The following COL8A1 variants were observed in gnomAD, a reference collection of about 807,000 sequenced individuals.
The protein encoded by COL8A1 is collagen type VIII alpha 1 chain.
COL8A1 carries 21 observed loss-of-function variants against 42.7 expected under a neutral mutation model. That is an observed-to-expected ratio of 0.49 (90% confidence interval 0.35 to 0.71). The LOEUF is 0.71. Among genes scored for constraint, COL8A1 ranks in the 30% least tolerant of loss-of-function variants. The pLI, the probability that COL8A1 is intolerant of heterozygous loss-of-function variation, is 0.01. For synonymous variants in COL8A1, 367 were observed against 369.1 expected (o/e 0.99, Z 0.06); for missense variants, 788 against 962.4 (o/e 0.82, Z 2.40).
intron 2 of COL8A1, among the ~76,000 whole-genome samples, chr3:99,785,807 A>G (rs145995230): frequency 6.6e-4 from 101 of 152,272 alleles, no homozygotes; most frequent in African/African-American, 2.4e-3. Flanking sequence ...CTCTGCCAAT[A>G]TCTTGATCTT....
chr3:99,788,529 C>A (rs1388967821), intron 2 of COL8A1, among the ~76,000 whole-genome samples: 1 of 152,156 alleles, frequency 6.6e-6, no homozygotes, highest in East Asian at 1.9e-4. Flanking sequence ...GAATTAAGTA[C>A]CAGCTTATAC....
At chr3:99,647,842 T>C (rs890941905) in intron 1 of COL8A1, among the ~76,000 whole-genome samples, 4 of 152,148 alleles carry the variant, frequency 2.6e-5, no homozygotes, top group Admixed American at 2.6e-4. Context: ...AATTACTTAG[T>C]TTATCTATGA....
At chr3:99,706,114 A>G (rs1027964362) in intron 1 of COL8A1, among the ~76,000 whole-genome samples, 1 of 152,186 alleles carries the variant, frequency 6.6e-6, no homozygotes, top group Non-Finnish European at 1.5e-5. Context: ...ACTTTGGAAA[A>G]GGAGAGGGCA....
chr3:99,679,817 G>A (rs933713926), intron 1 of COL8A1: 1 of 152,140 alleles, frequency 6.6e-6, no homozygotes, highest in Admixed American at 6.6e-5. Context: ...TGGGAGATGA[G>A]AAAAACACAT....
At chr3:99,712,208 A>G in intron 1 of COL8A1, among the ~76,000 whole-genome samples, 1 of 152,178 alleles carries the variant, frequency 6.6e-6, no homozygotes, top group Non-Finnish European at 1.5e-5. Context: ...AAACTTAGTT[A>G]TTTGTGACGG....
chr3:99,660,411 C>T (rs1371666618), intron 1 of COL8A1, among the ~76,000 whole-genome samples: 1 of 152,138 alleles, frequency 6.6e-6, no homozygotes, highest in Non-Finnish European at 1.5e-5. Flanking sequence ...TTCTCAATTG[C>T]AGTGACATAA....
At chr3:99,662,381 CA>C (rs11394075) in intron 1 of COL8A1, among the ~76,000 whole-genome samples, 354 of 125,988 alleles carry the variant, frequency 2.8e-3, no homozygotes, top group African/African-American at 3.5e-3. Context: ...GACTTTGTCT[CA>C]AAAAAAAAAA....
At chr3:99,759,753 AATAG>A (rs1408720769) in intron 2 of COL8A1, among the ~76,000 whole-genome samples, 2 of 152,224 alleles carry the variant, frequency 1.3e-5, no homozygotes, top group Non-Finnish European at 2.9e-5. Context: ...CCGTAAAAAG[AATAG>A]ATAGAACAAT....
At chr3:99,723,045 T>C (rs1237534657) in intron 1 of COL8A1, among the ~76,000 whole-genome samples, 1 of 149,724 alleles carries the variant, frequency 6.7e-6, no homozygotes, top group African/African-American at 2.5e-5. Context: ...AATAAATAGA[T>C]GACTTCTGAA....
intron 1 of COL8A1, among the ~76,000 whole-genome samples, chr3:99,736,389 T>TA (rs1242776900): frequency 2.6e-5 from 4 of 152,102 alleles, no homozygotes; most frequent in African/African-American, 4.8e-5. Flanking sequence ...ATCTTTTTTT[T>TA]TTATTATTAT....
chr3:99,730,962 G>A (rs1028755618), intron 1 of COL8A1, among the ~76,000 whole-genome samples: 1 of 151,798 alleles, frequency 6.6e-6, no homozygotes, highest in African/African-American at 2.4e-5. Flanking sequence ...CGTTTCTTTT[G>A]TAGTGCTAAG....
rs114013710 is a variant in COL8A1 at position 99,730,599 on chromosome 3, C to G, written c.-128-14298C>G. Among the ~76,000 whole-genome samples the G allele has an allele frequency of 5.6e-3, 849 of 152,174 alleles. 11 individuals are homozygous for G. Among genetic ancestry groups the G allele is most frequent in the African/African-American group, 0.016 (649 of 41,538 alleles). On this transcript the variant is annotated intron_variant, in intron 1 of 3. Coordinates refer to ENST00000652472, the MANE Select transcript of COL8A1 (RefSeq NM_020351.4). ...ATTAAACTAGCCTCCAAAAATGAAA[C>G]ACTTTTTTCAACACTTTCAGTGTGA...
At position 99,702,448 on chromosome 3, in the gene COL8A1, G is replaced by A. The variant is rs1939567525; in HGVS notation, c.-128-42449G>A. Among the ~76,000 whole-genome samples the A allele has an allele frequency of 2.0e-5, 3 of 152,174 alleles. No individual in the cohort carries two copies. In the South Asian group the frequency reaches 6.2e-4, roughly 32 times the overall value. On this transcript the variant is annotated intron_variant, in intron 1 of 3. Coordinates refer to ENST00000652472, the MANE Select transcript of COL8A1 (RefSeq NM_020351.4). ...TAGAGTCTAGTTGCCTCTAGTAACT[G>A]TAGCTAAGGACTGACTAGTGTCCAA...
chr3:99,672,873 A>G (rs1559774495), intron 1 of COL8A1, among the ~76,000 whole-genome samples: 1 of 152,070 alleles, frequency 6.6e-6, no homozygotes, highest in African/African-American at 2.4e-5. Flanking sequence ...AGCTCTATAC[A>G]TTTCACCAGT....
chr3:99,669,788 C>T (rs900731643), intron 1 of COL8A1, among the ~76,000 whole-genome samples: 20 of 151,918 alleles, frequency 1.3e-4, no homozygotes, highest in South Asian at 4.1e-4. Context: ...CAGAACCTGA[C>T]GGAGCAGAAA....
At chr3:99,703,920 A>G (rs1939611567) in intron 1 of COL8A1, among the ~76,000 whole-genome samples, 1 of 152,154 alleles carries the variant, frequency 6.6e-6, no homozygotes, top group South Asian at 2.1e-4. Context: ...CTTCTCATCT[A>G]TGGTTTTTTT....
chr3:99,686,470 A>C (rs1053730880), intron 1 of COL8A1, among the ~76,000 whole-genome samples: 13 of 152,200 alleles, frequency 8.5e-5, no homozygotes, highest in Admixed American at 7.2e-4. Context: ...TATGAAAACC[A>C]GAAGTCAAAG....
At chr3:99,654,882 G>A (rs1212143916) in intron 1 of COL8A1, among the ~76,000 whole-genome samples, 1 of 152,048 alleles carries the variant, frequency 6.6e-6, no homozygotes, top group Non-Finnish European at 1.5e-5. Flanking sequence ...GACCATAAGA[G>A]GTTTTTTTTA....
At chr3:99,792,828 G>T (rs1353704785) in intron 3 of COL8A1, among the ~76,000 whole-genome samples, 1 of 152,122 alleles carries the variant, frequency 6.6e-6, no homozygotes, top group African/African-American at 2.4e-5. Flanking sequence ...TAATATTTGA[G>T]GCTTAGGAAA....
Sources: gnomAD v4.1 joint callset for allele counts (sites outside exome capture counted in the v4.1 genomes callset) on GRCh38, gnomAD v4.1.1 for gene constraint, MANE v1.5 for transcripts, NCBI Gene and HGNC (gene_info 2026-07-23, HGNC 2026-07-21) for gene names.